DPP10: variants seen among roughly 807,000 people sequenced by gnomAD.
DPP10 encodes the protein inactive dipeptidyl peptidase 10.
In DPP10, 33 loss-of-function variants were observed where a neutral mutation model predicts 120.9. The ratio of observed to expected loss-of-function variants is 0.27; its 90% CI spans 0.21 to 0.37. The LOEUF (loss-of-function observed/expected upper bound fraction) is 0.37. Ranked by LOEUF, DPP10 falls within the 10% of genes least tolerant of loss-of-function variation. The pLI is 1.00. For missense variants in DPP10, 816 were observed against 942.8 expected (o/e 0.87, Z 1.76); for synonymous variants, 337 against 326.1 (o/e 1.03, Z -0.36).
chr2:115,306,623 A>G (rs938336288), intron 1 of DPP10, among the ~76,000 whole-genome samples: 1 of 152,088 alleles, frequency 6.6e-6, no homozygotes, highest in African/African-American at 2.4e-5. Flanking sequence ...TGGAAAGGGG[A>G]GAATTATATT....
chr2:115,146,480 T>A (rs1464745633), intron 1 of DPP10, among the ~76,000 whole-genome samples: 1 of 152,100 alleles, frequency 6.6e-6, no homozygotes, highest in Non-Finnish European at 1.5e-5. Context: ...ACATTGAGAT[T>A]ATATCTTAAA....
intron 1 of DPP10, among the ~76,000 whole-genome samples, chr2:114,696,858 A>G (rs772248767): frequency 3.3e-5 from 5 of 152,052 alleles, no homozygotes; most frequent in Non-Finnish European, 5.9e-5. Flanking sequence ...AGACGCTGGC[A>G]AGCTTGGGTT....
intron 1 of DPP10, among the ~76,000 whole-genome samples, chr2:114,588,328 A>G (rs751464769): frequency 6.6e-6 from 1 of 152,250 alleles, no homozygotes; most frequent in Non-Finnish European, 1.5e-5. Context: ...ATTACCAAAT[A>G]GTCACAAAAG....
chr2:115,364,568 T>A (rs964731503), intron 3 of DPP10, among the ~76,000 whole-genome samples: 12 of 152,064 alleles, frequency 7.9e-5, no homozygotes, highest in Admixed American at 2.0e-4. Context: ...TTCCTGCTTT[T>A]CCTTATGAAA....
rs546471993 is a variant in DPP10, at chr2:114,646,118, T to C, written c.60+203280T>C. Reference sequence around the variant, plus strand: ...GAGGTTGCAGTGAGCTGAGATTGTGTCACTGCACTCCAGCCTGGGTGACAG... The same window carrying C: ...GAGGTTGCAGTGAGCTGAGATTGTGCCACTGCACTCCAGCCTGGGTGACAG... On this transcript the variant is annotated intron_variant, in intron 1 of 25. Coordinates refer to ENST00000410059, the MANE Select transcript of DPP10 (RefSeq NM_020868.6). 2.9e-3 allele frequency among the ~76,000 whole-genome samples: 441 copies of C among 151,748 alleles called. 2 individuals carry two copies. The highest frequency in any genetic ancestry group is 6.8e-3 in the Middle Eastern group (2 of 292).
chr2:115,775,114 AAC>A (rs1187863659), intron 13 of DPP10, among the ~76,000 whole-genome samples: 46 of 152,226 alleles, frequency 3.0e-4, no homozygotes, highest in African/African-American at 7.5e-4. Flanking sequence ...ACATATAAAC[AAC>A]AGTTTTTAAT....
chr2:114,553,247 G>C (rs974528595), intron 1 of DPP10, among the ~76,000 whole-genome samples: 1 of 152,204 alleles, frequency 6.6e-6, no homozygotes, highest in Non-Finnish European at 1.5e-5. Flanking sequence ...GGCTGGGCCA[G>C]CTTCTCCCGC....
Position 114,542,337 on chromosome 2 carries a change from C to T in DPP10, c.60+99499C>T, listed in dbSNP as rs144967645. 1.8e-3 allele frequency among the ~76,000 whole-genome samples: 269 copies of T among 152,080 alleles called. 2 individuals carry two copies. Among genetic ancestry groups the T allele is most frequent in the African/African-American group, 6.2e-3 (258 of 41,464 alleles). Reference sequence around the variant, plus strand: ...TGCTGGGATTACAGGCATGAGCCACCGTGCCTGGCCGAATATCTTTATCTA... The same window carrying T: ...TGCTGGGATTACAGGCATGAGCCACTGTGCCTGGCCGAATATCTTTATCTA... On this transcript the variant is annotated intron_variant, in intron 1 of 25. Transcript: ENST00000410059.
intron 3 of DPP10, among the ~76,000 whole-genome samples, chr2:115,440,620 T>C (rs2071948466): frequency 6.6e-6 from 1 of 152,160 alleles, no homozygotes; most frequent in Non-Finnish European, 1.5e-5. Context: ...TTAACTTTTA[T>C]ACCTAGGTTT....
chr2:114,902,759 A>G (rs1294326122), intron 1 of DPP10, among the ~76,000 whole-genome samples: 2 of 152,132 alleles, frequency 1.3e-5, no homozygotes, highest in African/African-American at 2.4e-5. Context: ...TCCCCACCAG[A>G]GTGGCACATT....
intron 1 of DPP10, among the ~76,000 whole-genome samples, chr2:114,648,806 GTACA>G (rs1558965765): frequency 6.6e-6 from 1 of 152,166 alleles, no homozygotes; most frequent in Non-Finnish European, 1.5e-5. Context: ...AATTAGAGTG[GTACA>G]TACATACAAA....
chr2:114,650,308 C>A (rs914851586), intron 1 of DPP10, among the ~76,000 whole-genome samples: 2 of 152,138 alleles, frequency 1.3e-5, no homozygotes, highest in African/African-American at 2.4e-5. Flanking sequence ...CCTTGAAGGG[C>A]AGGGATGCCT....
At chr2:114,818,231 C>T (rs1423374418) in intron 1 of DPP10, among the ~76,000 whole-genome samples, 1 of 152,096 alleles carries the variant, frequency 6.6e-6, no homozygotes, top group Non-Finnish European at 1.5e-5. Flanking sequence ...TGAAATCTCT[C>T]TTTAGCCTGC....
intron 1 of DPP10, among the ~76,000 whole-genome samples, chr2:115,096,240 C>T (rs1709733451): frequency 6.6e-6 from 1 of 152,128 alleles, no homozygotes; most frequent in African/African-American, 2.4e-5. Flanking sequence ...TATGCAAACA[C>T]ATGAGCATAG....
rs188354343 is a variant in DPP10, at chr2:114,457,301, G to A, written c.60+14463G>A. Reference sequence around the variant, plus strand: ...TTGCTGTGGGTCTGTCACTGGCATCGTAGGATGTCTGGCAGCATCCCTGGC... The same window carrying A: ...TTGCTGTGGGTCTGTCACTGGCATCATAGGATGTCTGGCAGCATCCCTGGC... On this transcript the variant is annotated intron_variant, in intron 1 of 25. Transcript: ENST00000410059. 7.2e-5 allele frequency among the ~76,000 whole-genome samples: 11 copies of A among 152,212 alleles called. No individual in the cohort carries two copies. The East Asian group carries it at 7.7e-4, about 11-fold the overall frequency.
chr2:114,919,081 T>G (rs1695016345), intron 1 of DPP10, among the ~76,000 whole-genome samples: 1 of 146,882 alleles, frequency 6.8e-6, no homozygotes, highest in African/African-American at 2.5e-5. Context: ...TAAATGAGGG[T>G]TGGGGGACAA....
chr2:115,342,442 G>A (rs1477565792), intron 2 of DPP10, among the ~76,000 whole-genome samples: 1 of 152,104 alleles, frequency 6.6e-6, no homozygotes, highest in Non-Finnish European at 1.5e-5. Flanking sequence ...TGGAGCTCCT[G>A]TCCTCAAGTG....
chr2:115,105,554 T>C (rs2048909312), intron 1 of DPP10, among the ~76,000 whole-genome samples: 1 of 152,114 alleles, frequency 6.6e-6, no homozygotes, highest in African/African-American at 2.4e-5. Flanking sequence ...AAGTCATTCA[T>C]GAGGAGTCTG....
intron 3 of DPP10, among the ~76,000 whole-genome samples, chr2:115,356,348 C>T (rs1465387836): frequency 1.3e-5 from 2 of 151,602 alleles, no homozygotes; most frequent in East Asian, 3.9e-4. Flanking sequence ...ATGATTTTGC[C>T]CTCTGCTTGT....
Sources: allele counts gnomAD v4.1 joint callset (sites outside exome capture counted in the v4.1 genomes callset), GRCh38; gene constraint gnomAD v4.1.1; transcripts MANE v1.5; gene names NCBI Gene and HGNC (gene_info 2026-07-23, HGNC 2026-07-21).